NPAS3: variants seen among roughly 807,000 people sequenced by gnomAD.
NPAS3 encodes the protein neuronal PAS domain protein 3, also known as neuronal PAS domain-containing protein 3.
Under a neutral mutation model 73.1 loss-of-function variants are expected in NPAS3, and 14 were observed. That is an observed-to-expected ratio of 0.19 (90% CI 0.13 to 0.30). NPAS3 has a LOEUF of 0.30. Ranked by LOEUF, NPAS3 falls within the 10% of genes least tolerant of loss-of-function variation. The pLI is 1.00. For missense variants in NPAS3, 1,096 were observed against 1,250.0 expected (o/e 0.88, Z 1.86); for synonymous variants, 620 against 541.5 (o/e 1.14, Z -2.01).
At chr14:33,211,160 C>A (rs2047020135) in intron 2 of NPAS3, among the ~76,000 whole-genome samples, 1 of 152,140 alleles carries the variant, frequency 6.6e-6, no homozygotes, top group Non-Finnish European at 1.5e-5. Context: ...GAGTATTATC[C>A]CATTTCACAG....
chr14:33,328,427 T>TTTC (rs1324838732), intron 3 of NPAS3, among the ~76,000 whole-genome samples: 1 of 147,762 alleles, frequency 6.8e-6, no homozygotes, highest in African/African-American at 2.5e-5. Context: ...TGTTTTTATC[T>TTTC]TTCTTTTCCT....
intron 2 of NPAS3, among the ~76,000 whole-genome samples, chr14:33,073,534 C>T (rs2138665574): frequency 6.6e-6 from 1 of 152,188 alleles, no homozygotes; most frequent in South Asian, 2.1e-4. Context: ...GTCCAGAGAG[C>T]AAACTTATTT....
intron 4 of NPAS3, among the ~76,000 whole-genome samples, chr14:33,555,656 T>C (rs1197874508): frequency 6.6e-6 from 1 of 152,180 alleles, no homozygotes; most frequent in African/African-American, 2.4e-5. Context: ...CCTTCAAACT[T>C]TTCTAAGTGG....
rs562415561 is a variant in NPAS3, at chr14:33,018,748, C to T, written c.51-37157C>T. On this transcript the variant is annotated intron_variant, in intron 1 of 11. Coordinates refer to ENST00000356141, the Ensembl canonical transcript of NPAS3. The stretch of plus-strand genomic sequence containing the variant: ...TTAGTAAAATTTAAAGCACTGAATT[C>T]ATTAGGTTACAAGAAAGGCAATTTC... 2.2e-4 allele frequency among the ~76,000 whole-genome samples: 33 copies of T among 152,166 alleles called. No individual in the cohort carries two copies. In the South Asian group the frequency reaches 5.2e-3, roughly 24 times the overall value.
chr14:33,101,087 A>G (rs2042562935), intron 2 of NPAS3, among the ~76,000 whole-genome samples: 1 of 152,058 alleles, frequency 6.6e-6, no homozygotes, highest in African/African-American at 2.4e-5. Context: ...TTTGTGAAAT[A>G]GGTAGACCCT....
rs532773708 is a variant in NPAS3 at position 33,227,445 on chromosome 14, A to G, written c.385+12019A>G. ...GTTTGGACTGCTATAACAGAATACT[A>G]TAGATGGATTGGCTTAAACAACATT... On this transcript the variant is annotated intron_variant, in intron 3 of 11. Coordinates refer to ENST00000356141, the Ensembl canonical transcript of NPAS3. Among the ~76,000 whole-genome samples the G allele has an allele frequency of 8.5e-5, 13 of 152,178 alleles. 1 individual carries two copies. The highest frequency in any genetic ancestry group is 1.9e-4 in the Non-Finnish European group (13 of 68,026).
intron 7 of NPAS3, among the ~76,000 whole-genome samples, chr14:33,737,591 C>T (rs2061553920): frequency 6.6e-6 from 1 of 152,134 alleles, no homozygotes; most frequent in Non-Finnish European, 1.5e-5. Flanking sequence ...ATCCTCTGTT[C>T]CCCAGTAAGA....
chr14:33,551,116 C>A (rs2055092301), intron 4 of NPAS3, among the ~76,000 whole-genome samples: 1 of 152,168 alleles, frequency 6.6e-6, no homozygotes, highest in Non-Finnish European at 1.5e-5. Context: ...TTATCCCCAA[C>A]CAGAATTTCT....
intron 5 of NPAS3, among the ~76,000 whole-genome samples, chr14:33,654,984 A>G (rs1304634177): frequency 6.6e-6 from 1 of 152,248 alleles, no homozygotes; most frequent in Non-Finnish European, 1.5e-5. Flanking sequence ...GGACACTGCT[A>G]TAGGTGATTT....
chr14:33,215,248 T>C (rs2047177425), exon 3 of NPAS3: 1 of 1,606,820 alleles, frequency 6.2e-7, no homozygotes, highest in African/African-American at 1.3e-5. Flanking sequence ...AAGAAAACTT[T>C]GAGTTCTATG....
intron 1 of NPAS3, among the ~76,000 whole-genome samples, chr14:33,035,346 G>A (rs185758698): frequency 2.0e-5 from 3 of 152,184 alleles, no homozygotes; most frequent in Admixed American, 2.0e-4. Flanking sequence ...TGCCTTTGGA[G>A]GATAGTAGCC....
intron 4 of NPAS3, among the ~76,000 whole-genome samples, chr14:33,380,003 T>TGTG (rs1222363199): frequency 6.6e-6 from 1 of 151,454 alleles, no homozygotes; most frequent in African/African-American, 2.4e-5. Flanking sequence ...TGTGTGTGTG[T>TGTG]GTGTGTGTAA....
At chr14:33,592,335 T>C (rs932508826) in intron 5 of NPAS3, among the ~76,000 whole-genome samples, 4 of 152,186 alleles carry the variant, frequency 2.6e-5, no homozygotes, top group African/African-American at 9.6e-5. Context: ...AAAAGGAAAA[T>C]GAAGTTTGAA....
intron 3 of NPAS3, among the ~76,000 whole-genome samples, chr14:33,357,312 G>A (rs148051378): frequency 1.3e-3 from 205 of 152,346 alleles, no homozygotes; most frequent in African/African-American, 3.8e-3. Flanking sequence ...TAGGGCATGA[G>A]TGAATCCTTC....
At chr14:33,403,592 T>G (rs1213547560) in intron 4 of NPAS3, among the ~76,000 whole-genome samples, 1 of 152,102 alleles carries the variant, frequency 6.6e-6, no homozygotes, top group East Asian at 1.9e-4. Flanking sequence ...ACATGGGGTT[T>G]GTATTCAATT....
intron 2 of NPAS3, among the ~76,000 whole-genome samples, chr14:33,113,594 A>G (rs1298812736): frequency 6.6e-6 from 1 of 152,136 alleles, no homozygotes; most frequent in African/African-American, 2.4e-5. Flanking sequence ...TTCTAAATAT[A>G]CAATCATGTC....
At chr14:33,433,928 C>G (rs1037032291) in intron 4 of NPAS3, among the ~76,000 whole-genome samples, 2 of 152,192 alleles carry the variant, frequency 1.3e-5, no homozygotes, top group South Asian at 4.1e-4. Context: ...TGGTGGCTCA[C>G]GCCTGTAATC....
chr14:33,012,054 T>A (rs1190156247), intron 1 of NPAS3, among the ~76,000 whole-genome samples: 2 of 147,610 alleles, frequency 1.4e-5, no homozygotes, highest in African/African-American at 5.0e-5. Context: ...GTGGTGCTGC[T>A]CAGGTTGAGT....
In NPAS3 at chr14:33,434,629, C is replaced by T. The variant is rs77428852; in HGVS notation, c.468+67361C>T. On this transcript the variant is annotated intron_variant, in intron 4 of 11. Transcript: ENST00000356141. ...TCATTTGTTCTGTCTTTGTTATTCA[C>T]CCATTAAAATTCACACTGCAGGAAG... is the stretch of plus-strand genomic sequence containing the variant. Among the ~76,000 whole-genome samples, 508 of 152,244 alleles carry T rather than the reference C, an allele frequency of 3.3e-3. 21 individuals carry two copies. The East Asian group carries it at 0.08, about 24-fold the overall frequency.
Sources: allele counts gnomAD v4.1 joint callset (sites outside exome capture counted in the v4.1 genomes callset), GRCh38; gene constraint gnomAD v4.1.1; transcripts MANE v1.5; gene names NCBI Gene and HGNC (gene_info 2026-07-23, HGNC 2026-07-21).